Variants in KCNIP4 observed in about 807,000 individuals in gnomAD.
KCNIP4 encodes Kv channel-interacting protein 4.
In KCNIP4, 12 loss-of-function variants were observed where a neutral mutation model predicts 34.0. The ratio of observed to expected loss-of-function variants is 0.35; its 90% confidence interval spans 0.23 to 0.57. KCNIP4 has a LOEUF of 0.57. Among genes scored for constraint, KCNIP4 ranks in the 20% least tolerant of loss-of-function variants. KCNIP4 has a pLI of 0.83. For synonymous variants in KCNIP4, 124 were observed against 102.2 expected, an observed-to-expected ratio of 1.21 and a Z score of -1.29; for missense variants, 238 against 311.7, an observed-to-expected ratio of 0.76 and a Z score of 1.78.
intron 1 of KCNIP4, among the ~76,000 whole-genome samples, chr4:20,926,171 A>T (rs907492155): frequency 2.0e-5 from 3 of 152,224 alleles, no homozygotes; most frequent in African/African-American, 7.2e-5. Flanking sequence ...ACAATGGTCA[A>T]CCTTGCAAGC....
At chr4:21,368,385 C>T (rs1161172470) in intron 1 of KCNIP4, among the ~76,000 whole-genome samples, 1 of 146,998 alleles carries the variant, frequency 6.8e-6, no homozygotes, top group Non-Finnish European at 1.5e-5. Flanking sequence ...ATCTAATACA[C>T]GTGCTTATGT....
intron 1 of KCNIP4, among the ~76,000 whole-genome samples, chr4:21,093,981 C>G (rs1210545219): frequency 6.6e-6 from 1 of 151,948 alleles, no homozygotes; most frequent in East Asian, 1.9e-4. Flanking sequence ...ACTCAGGAGG[C>G]TGAGGCAGGA....
chr4:20,784,713 G>A (rs971359926), intron 3 of KCNIP4, among the ~76,000 whole-genome samples: 4 of 151,974 alleles, frequency 2.6e-5, no homozygotes, highest in African/African-American at 9.7e-5. Flanking sequence ...TGGATGCAAG[G>A]GATATAAAAT....
intron 1 of KCNIP4, among the ~76,000 whole-genome samples, chr4:21,079,520 C>G (rs962028996): frequency 8.0e-5 from 12 of 149,988 alleles, no homozygotes; most frequent in African/African-American, 3.0e-4. Context: ...AACCAGATTG[C>G]CTTTCTCTTA....
At chr4:21,792,792 G>T (rs12642992) in intron 1 of KCNIP4, among the ~76,000 whole-genome samples, 2 of 152,096 alleles carry the variant, frequency 1.3e-5, no homozygotes, top group African/African-American at 4.8e-5. Flanking sequence ...GATTGTGAAG[G>T]GTTATGACTT....
chr4:21,534,778 C>G (rs1390553876), intron 1 of KCNIP4, among the ~76,000 whole-genome samples: 2 of 152,126 alleles, frequency 1.3e-5, no homozygotes, highest in Non-Finnish European at 2.9e-5. Context: ...CCATCTGAAA[C>G]CTCAGAAATA....
At chr4:21,538,381 C>T (rs1312676298) in intron 1 of KCNIP4, among the ~76,000 whole-genome samples, 3 of 152,100 alleles carry the variant, frequency 2.0e-5, no homozygotes, top group Non-Finnish European at 4.4e-5. Flanking sequence ...CTATGCTCAG[C>T]GTTGAGAATA....
intron 1 of KCNIP4, among the ~76,000 whole-genome samples, chr4:21,014,139 A>T (rs1443324817): frequency 6.6e-6 from 1 of 152,218 alleles, no homozygotes; most frequent in African/African-American, 2.4e-5. Flanking sequence ...TTAAAATCAT[A>T]TAATTGCTTC....
intron 1 of KCNIP4, among the ~76,000 whole-genome samples, chr4:20,904,044 CCACTGAGCTAATTTTCCTCT>C (rs1454624137): frequency 6.6e-6 from 1 of 151,970 alleles, no homozygotes; most frequent in Non-Finnish European, 1.5e-5. Flanking sequence ...TGGCGTTTAC[CCACTGAGCTAATTTTCCTCT>C]CAGTTAGAAT....
At chr4:21,271,027 T>C (rs1453846437) in intron 1 of KCNIP4, among the ~76,000 whole-genome samples, 2 of 150,662 alleles carry the variant, frequency 1.3e-5, no homozygotes, top group Admixed American at 6.6e-5. Context: ...AAATTCTAAA[T>C]TATAAAAGCT....
intron 2 of KCNIP4, among the ~76,000 whole-genome samples, chr4:20,866,167 A>T (rs1577280010): frequency 1.3e-5 from 2 of 152,062 alleles, no homozygotes; most frequent in East Asian, 3.9e-4. Context: ...TGAAGCCAGC[A>T]TCACCCTGAT....
At chr4:21,916,648 C>T (rs554624956) in intron 1 of KCNIP4, among the ~76,000 whole-genome samples, 39 of 152,288 alleles carry the variant, frequency 2.6e-4, no homozygotes, top group African/African-American at 8.9e-4. Context: ...AGAACCACCA[C>T]TTTCAGTATT....
intron 1 of KCNIP4, among the ~76,000 whole-genome samples, chr4:21,781,746 C>G (rs1338925577): frequency 6.6e-6 from 1 of 151,906 alleles, no homozygotes; most frequent in African/African-American, 2.4e-5. Flanking sequence ...ATAACAATGT[C>G]TGATATTATT....
At position 21,820,314 on chromosome 4, in the gene KCNIP4, T is replaced by C. The variant is rs988063335; in HGVS notation, c.61+128257A>G. ...ATATATATATATATATATATATATA[T>C]ATATATATATACATATATACACATA... On this transcript the variant is annotated intron_variant, in intron 1 of 8. Coordinates refer to ENST00000382152, the MANE Select transcript of KCNIP4 (RefSeq NM_025221.6). Among the ~76,000 whole-genome samples the C allele has an allele frequency of 2.2e-3, 284 of 127,582 alleles. 1 individual carries two copies. Among genetic ancestry groups the C allele is most frequent in the Middle Eastern group, 8.1e-3 (2 of 246 alleles). 83.7% of individuals were successfully genotyped at this position (127,582 alleles called of 152,430 possible).
intron 2 of KCNIP4, among the ~76,000 whole-genome samples, chr4:20,856,275 T>A (rs909108915): frequency 9.9e-5 from 15 of 152,228 alleles, no homozygotes; most frequent in Admixed American, 1.3e-4. Flanking sequence ...TGTAATCTTC[T>A]TTTGAATCAT....
At chr4:20,857,378 C>T (rs1238221653) in intron 2 of KCNIP4, among the ~76,000 whole-genome samples, 1 of 152,156 alleles carries the variant, frequency 6.6e-6, no homozygotes, top group Non-Finnish European at 1.5e-5. Context: ...CAGTGCCTAA[C>T]ATTTATTGAG....
chr4:21,707,836 T>C (rs1341423463), intron 1 of KCNIP4, among the ~76,000 whole-genome samples: 2 of 151,822 alleles, frequency 1.3e-5, no homozygotes, highest in East Asian at 1.9e-4. Flanking sequence ...TTTCCAGTCA[T>C]AGATTTATAC....
At chr4:21,762,380 C>A (rs541673752) in intron 1 of KCNIP4, among the ~76,000 whole-genome samples, 1 of 152,226 alleles carries the variant, frequency 6.6e-6, no homozygotes, top group South Asian at 2.1e-4. Flanking sequence ...GACAGCATTG[C>A]ATTGAAATGA....
At chr4:21,391,034 TG>T (rs1722512819) in intron 1 of KCNIP4, among the ~76,000 whole-genome samples, 1 of 152,158 alleles carries the variant, frequency 6.6e-6, no homozygotes, top group Admixed American at 6.6e-5. Context: ...TATGTCAATG[TG>T]GTTTTTATTT....
Sources: allele counts gnomAD v4.1 joint callset (sites outside exome capture counted in the v4.1 genomes callset), GRCh38; gene constraint gnomAD v4.1.1; transcripts MANE v1.5; gene names NCBI Gene and HGNC (gene_info 2026-07-23, HGNC 2026-07-21).